CDH18: variants seen among roughly 807,000 people sequenced by gnomAD.
The protein encoded by CDH18 is cadherin-18.
Under a neutral mutation model 67.9 loss-of-function variants are expected in CDH18, and 31 were observed. The ratio of observed to expected loss-of-function variants is 0.46; its 90% CI spans 0.34 to 0.62. The LOEUF is 0.62. Among genes scored for constraint, CDH18 ranks in the 20% least tolerant of loss-of-function variants. The probability of loss-of-function intolerance (pLI) is 0.01; values close to 1 mark genes in which losing one functional copy is unlikely to be tolerated. For synonymous variants in CDH18, 362 were observed against 347.2 expected (o/e 1.04, Z -0.48); for missense variants, 890 against 975.5 (o/e 0.91, Z 1.17).
intron 2 of CDH18, among the ~76,000 whole-genome samples, chr5:20,056,530 C>T (rs1194924176): frequency 1.1e-4 from 3 of 28,040 alleles, no homozygotes; most frequent in Admixed American, 1.0e-3. Context: ...GGTTCCAGTT[C>T]ATTTTGTCTA....
intron 2 of CDH18, among the ~76,000 whole-genome samples, chr5:20,104,747 G>A (rs1478235218): frequency 1.3e-5 from 2 of 151,852 alleles, no homozygotes; most frequent in Admixed American, 1.3e-4. Context: ...CTCATTGGTT[G>A]GAGATCTTTA....
chr5:19,624,944 TG>T (rs1751289704), intron 5 of CDH18, among the ~76,000 whole-genome samples: 1 of 151,930 alleles, frequency 6.6e-6, no homozygotes, highest in Admixed American at 6.6e-5. Flanking sequence ...TTCCTTCAAT[TG>T]GTAGCTATAG....
At chr5:20,396,826 T>A (rs1380261857) in intron 1 of CDH18, among the ~76,000 whole-genome samples, 1 of 152,184 alleles carries the variant, frequency 6.6e-6, no homozygotes, top group African/African-American at 2.4e-5. Flanking sequence ...AATTAAAATA[T>A]GTTTTGAAAC....
intron 1 of CDH18, among the ~76,000 whole-genome samples, chr5:20,514,932 C>A (rs893688456): frequency 2.0e-5 from 3 of 151,854 alleles, no homozygotes; most frequent in Non-Finnish European, 4.4e-5. Flanking sequence ...TATATCATGG[C>A]TATTTCCTAC....
At chr5:19,721,735 T>C (rs914116223) in intron 4 of CDH18, among the ~76,000 whole-genome samples, 1 of 152,212 alleles carries the variant, frequency 6.6e-6, no homozygotes, top group Admixed American at 6.5e-5. Context: ...ATGGTCTCTT[T>C]TGATTTTCAT....
At chr5:19,880,679 T>C (rs962577796) in intron 2 of CDH18, among the ~76,000 whole-genome samples, 1 of 152,148 alleles carries the variant, frequency 6.6e-6, no homozygotes, top group Non-Finnish European at 1.5e-5. Context: ...TTCAAGTATC[T>C]CATTCTGAAG....
At chr5:19,761,029 T>G (rs1581230775) in intron 3 of CDH18, among the ~76,000 whole-genome samples, 2 of 152,258 alleles carry the variant, frequency 1.3e-5, no homozygotes. Flanking sequence ...ATTGGGGTCC[T>G]CCCACATGTC....
intron 1 of CDH18, among the ~76,000 whole-genome samples, chr5:20,265,789 G>A (rs1218059713): frequency 2.6e-5 from 4 of 152,166 alleles, no homozygotes; most frequent in Admixed American, 2.6e-4. Flanking sequence ...TTAATTTTAT[G>A]TGCCAACTTG....
chr5:19,687,839 C>T (rs867231279), intron 5 of CDH18, among the ~76,000 whole-genome samples: 22 of 152,206 alleles, frequency 1.4e-4, no homozygotes, highest in South Asian at 8.3e-4. Flanking sequence ...CTCTATCTGT[C>T]CACACCACTG....
At chr5:19,932,655 A>G (rs186077940) in intron 2 of CDH18, among the ~76,000 whole-genome samples, 9 of 151,802 alleles carry the variant, frequency 5.9e-5, no homozygotes, top group Admixed American at 2.0e-4. Flanking sequence ...CTAATTTTTA[A>G]CAAATCTTTA....
At chr5:20,344,969 C>A (rs1451280965) in intron 1 of CDH18, among the ~76,000 whole-genome samples, 2 of 152,146 alleles carry the variant, frequency 1.3e-5, no homozygotes, top group Admixed American at 6.5e-5. Flanking sequence ...GCTGCCCTTG[C>A]CAGCAATTAA....
chr5:19,802,697 C>A (rs1777593199), intron 3 of CDH18, among the ~76,000 whole-genome samples: 1 of 152,096 alleles, frequency 6.6e-6, no homozygotes, highest in Admixed American at 6.5e-5. Flanking sequence ...CTTCAAGGGG[C>A]AGATTTTGCC....
intron 1 of CDH18, among the ~76,000 whole-genome samples, chr5:20,295,556 G>A (rs1244740772): frequency 6.6e-6 from 1 of 151,848 alleles, no homozygotes; most frequent in Admixed American, 6.6e-5. Context: ...GTGAAACCCC[G>A]TCTCTACTAA....
intron 2 of CDH18, among the ~76,000 whole-genome samples, chr5:19,967,362 A>G (rs1651121620): frequency 6.6e-6 from 1 of 152,116 alleles, no homozygotes; most frequent in Non-Finnish European, 1.5e-5. Context: ...GATTCATTCA[A>G]CTGTTAAGAA....
chr5:19,584,588 T>C lies in CDH18; in HGVS notation c.999+6469A>G, dbSNP rs1018064323. Among the ~76,000 whole-genome samples, 17 of 151,124 alleles carry C rather than the reference T, an allele frequency of 1.1e-4. 1 individual carries two copies. Among genetic ancestry groups the C allele is most frequent in the Admixed American group, 7.9e-4 (12 of 15,160 alleles). ...TGAGATTGATAATCCTAATCAGAAG[T>C]ATCAAAAAATTACGTGAATGCAACA... On this transcript the variant is annotated intron_variant, in intron 7 of 12. Transcript: ENST00000382275.
At chr5:20,338,138 G>A (rs1161499144) in intron 1 of CDH18, among the ~76,000 whole-genome samples, 1 of 152,196 alleles carries the variant, frequency 6.6e-6, no homozygotes, top group African/African-American at 2.4e-5. Flanking sequence ...TGAGATTTGG[G>A]TGGAGGCACA....
intron 2 of CDH18, among the ~76,000 whole-genome samples, chr5:19,960,610 C>T (rs1191752651): frequency 3.8e-5 from 4 of 105,726 alleles, no homozygotes; most frequent in African/African-American, 7.8e-5. Flanking sequence ...TATACACACA[C>T]GTGTATATAT....
intron 2 of CDH18, among the ~76,000 whole-genome samples, chr5:20,152,863 C>T (rs897589282): frequency 6.6e-6 from 1 of 151,672 alleles, no homozygotes; most frequent in African/African-American, 2.4e-5. Context: ...GATCCCTATT[C>T]AGATGCATTA....
intron 1 of CDH18, among the ~76,000 whole-genome samples, chr5:20,317,858 AG>A (rs1413583868): frequency 1.3e-5 from 2 of 152,194 alleles, no homozygotes; most frequent in Non-Finnish European, 2.9e-5. Context: ...CTAGTGTTTC[AG>A]GAAATGTTCT....
Sources: gnomAD v4.1 joint callset for allele counts (sites outside exome capture counted in the v4.1 genomes callset) on GRCh38, gnomAD v4.1.1 for gene constraint, MANE v1.5 for transcripts, NCBI Gene and HGNC (gene_info 2026-07-23, HGNC 2026-07-21) for gene names.